CNTN5: variants seen among roughly 807,000 people sequenced by gnomAD.
The protein encoded by CNTN5 is contactin 5, also known as contactin-5.
A neutral mutation model predicts 129.1 loss-of-function variants in CNTN5; 77 were observed. The ratio of observed to expected loss-of-function variants is 0.60; its 90% confidence interval spans 0.50 to 0.72. The LOEUF is 0.72. Ranked by LOEUF, CNTN5 falls within the 30% of genes least tolerant of loss-of-function variation. The probability of loss-of-function intolerance (pLI) is 0.00; values close to 1 mark genes in which losing one functional copy is unlikely to be tolerated. For synonymous variants in CNTN5, 509 were observed against 465.6 expected (o/e 1.09, Z -1.20); for missense variants, 1,478 against 1,328.8 (o/e 1.11, Z -1.75).
At chr11:99,498,289 G>A (rs905938945) in intron 2 of CNTN5, among the ~76,000 whole-genome samples, 2 of 152,250 alleles carry the variant, frequency 1.3e-5, no homozygotes, top group South Asian at 2.1e-4. Flanking sequence ...TCGCAGTTCA[G>A]TGTAAAGTCA....
chr11:99,536,634 A>G (rs187854715), intron 2 of CNTN5, among the ~76,000 whole-genome samples: 4 of 152,210 alleles, frequency 2.6e-5, no homozygotes, highest in Admixed American at 2.6e-4. Flanking sequence ...AAAAGAACCA[A>G]GTGATGATAA....
Position 99,895,758 on chromosome 11 carries a change from T to C in CNTN5, c.578-20296T>C, listed in dbSNP as rs560691082. On this transcript the variant is annotated intron_variant, in intron 6 of 24. Transcript: ENST00000524871. ...GCTTCCAGAACAGCAGAGAGCTATG[T>C]GGAGTCTGTGCAGAGGCACTGCTCA... 7.2e-4 allele frequency among the ~76,000 whole-genome samples: 109 copies of C among 152,324 alleles called. 1 individual carries two copies. The highest frequency in any genetic ancestry group is 5.0e-3 in the South Asian group (24 of 4,832).
intron 21 of CNTN5, among the ~76,000 whole-genome samples, chr11:100,331,225 A>T (rs1224381610): frequency 1.3e-5 from 2 of 152,188 alleles, no homozygotes; most frequent in African/African-American, 4.8e-5. Context: ...ACAGCAGTTT[A>T]AAAAGACAAA....
chr11:99,760,200 T>A (rs1395064073), intron 3 of CNTN5, among the ~76,000 whole-genome samples: 1 of 152,194 alleles, frequency 6.6e-6, no homozygotes, highest in Non-Finnish European at 1.5e-5. Flanking sequence ...GGAGTCTGAT[T>A]TATTTTTCTT....
At chr11:99,749,623 C>A (rs1944166675) in intron 3 of CNTN5, among the ~76,000 whole-genome samples, 1 of 152,154 alleles carries the variant, frequency 6.6e-6, no homozygotes, top group African/African-American at 2.4e-5. Flanking sequence ...TTTTCAAAAT[C>A]CAGTAAAAGA....
At chr11:99,517,349 T>C (rs1361085170) in intron 2 of CNTN5, among the ~76,000 whole-genome samples, 1 of 152,046 alleles carries the variant, frequency 6.6e-6, no homozygotes. Flanking sequence ...GCAGTAGATC[T>C]TCTCCACAGC....
chr11:99,828,114 AAAT>A (rs1406167928), intron 4 of CNTN5, among the ~76,000 whole-genome samples: 21 of 152,118 alleles, frequency 1.4e-4, no homozygotes, highest in African/African-American at 4.1e-4. Flanking sequence ...AAATAGAATA[AAAT>A]AATAATAGTT....
intron 3 of CNTN5, chr11:99,558,432 T>A: frequency 5.9e-6 from 1 of 169,884 alleles, no homozygotes; most frequent in South Asian, 1.3e-4. Context: ...ATATTTTATT[T>A]CATTTTATCT....
At position 100,048,576 on chromosome 11, in the gene CNTN5, A is replaced by G. The variant is rs571964813; in HGVS notation, c.981-12636A>G. Among the ~76,000 whole-genome samples the G allele has an allele frequency of 3.1e-4, 47 of 152,268 alleles. 1 individual carries two copies. The highest frequency in any genetic ancestry group is 1.1e-3 in the African/African-American group (45 of 41,554). On this transcript the variant is annotated intron_variant, in intron 9 of 24. Transcript: ENST00000524871. ...GTTTTAGAATAAAAAAAGTGAAAAA[A>G]TGTACTAGATTGGATTTACAGTGGA...
chr11:99,972,050 C>A (rs1951273739), intron 8 of CNTN5, among the ~76,000 whole-genome samples: 1 of 135,182 alleles, frequency 7.4e-6, no homozygotes, highest in Non-Finnish European at 1.5e-5. Context: ...GAGATTGAGA[C>A]CATCCTGGCT....
At chr11:100,233,086 G>A (rs1000763028) in intron 16 of CNTN5, among the ~76,000 whole-genome samples, 1 of 152,130 alleles carries the variant, frequency 6.6e-6, no homozygotes, top group African/African-American at 2.4e-5. Context: ...TAGAAGAATA[G>A]TGAGTAGACT....
chr11:100,236,679 C>A (rs1014568325), intron 16 of CNTN5, among the ~76,000 whole-genome samples: 2 of 152,092 alleles, frequency 1.3e-5, no homozygotes, highest in South Asian at 4.1e-4. Context: ...AGTTCCCCGA[C>A]TGTAGCTGCC....
intron 10 of CNTN5, among the ~76,000 whole-genome samples, chr11:100,065,026 A>G (rs1943641526): frequency 6.6e-6 from 1 of 152,126 alleles, no homozygotes; most frequent in Non-Finnish European, 1.5e-5. Context: ...CTCTATAAAG[A>G]CGGTCACTAT....
At chr11:99,088,747 G>A (rs998720248) in intron 1 of CNTN5, among the ~76,000 whole-genome samples, 1 of 152,132 alleles carries the variant, frequency 6.6e-6, no homozygotes, top group Non-Finnish European at 1.5e-5. Flanking sequence ...AGAAATCACT[G>A]CATGTCAAGG....
chr11:99,526,375 T>C (rs1947485922), intron 2 of CNTN5, among the ~76,000 whole-genome samples: 1 of 152,222 alleles, frequency 6.6e-6, no homozygotes, highest in African/African-American at 2.4e-5. Context: ...ATTCAATTCA[T>C]TGGATGACTT....
chr11:100,062,797 T>A (rs1463320880), intron 10 of CNTN5, among the ~76,000 whole-genome samples: 4 of 152,234 alleles, frequency 2.6e-5, no homozygotes, highest in Non-Finnish European at 5.9e-5. Flanking sequence ...AATATTTGGA[T>A]GAAATCCACA....
At chr11:99,070,141 T>G (rs1865285874) in intron 1 of CNTN5, among the ~76,000 whole-genome samples, 1 of 152,158 alleles carries the variant, frequency 6.6e-6, no homozygotes, top group Non-Finnish European at 1.5e-5. Flanking sequence ...CTCTGGGCAG[T>G]ATCTTCCCCC....
intron 1 of CNTN5, among the ~76,000 whole-genome samples, chr11:99,314,468 TGTTCG>T (rs1865250982): frequency 6.6e-6 from 1 of 152,104 alleles, no homozygotes; most frequent in East Asian, 1.9e-4. Flanking sequence ...TACTTTCACT[TGTTCG>T]GTAGTGACTA....
intron 16 of CNTN5, among the ~76,000 whole-genome samples, chr11:100,246,898 G>A (rs753500648): frequency 1.3e-5 from 2 of 152,116 alleles, no homozygotes; most frequent in Non-Finnish European, 2.9e-5. Context: ...GCCATGCACT[G>A]TCCCCTAGGA....
Sources: gnomAD v4.1 joint callset for allele counts (sites outside exome capture counted in the v4.1 genomes callset) on GRCh38, gnomAD v4.1.1 for gene constraint, MANE v1.5 for transcripts, NCBI Gene and HGNC (gene_info 2026-07-23, HGNC 2026-07-21) for gene names.